The following HNF4G variants were observed in gnomAD, a reference collection of about 807,000 sequenced individuals.
HNF4G encodes the protein hepatocyte nuclear factor 4 gamma, also known as hepatocyte nuclear factor 4-gamma.
A neutral mutation model predicts 50.9 loss-of-function variants in HNF4G; 21 were observed. The ratio of observed to expected loss-of-function variants is 0.41; its 90% CI spans 0.29 to 0.59. The LOEUF is 0.59. Ranked by LOEUF, HNF4G falls within the 20% of genes least tolerant of loss-of-function variation. The pLI is 0.26. For synonymous variants in HNF4G, 198 were observed against 185.6 expected (o/e 1.07, Z -0.54); for missense variants, 527 against 559.4 (o/e 0.94, Z 0.58).
At chr8:75,563,875 T>C (rs1807388623) in intron 9 of HNF4G, 100 bp from the exon 10 acceptor site, 1 of 1,335,756 alleles carries the variant, frequency 7.5e-7, no homozygotes. Context: ...TTTAAAAACA[T>C]TTCCAAATTA....
At chr8:75,540,204 A>T in intron 1 of HNF4G, 124 bp downstream of exon 1, 6 of 606,940 alleles carry the variant, frequency 9.9e-6, no homozygotes, top group Non-Finnish European at 1.8e-5. Flanking sequence ...CTTGCTTTTA[A>T]GGCCACAGAT....
At chr8:75,471,365 A>C (rs749720489) in intron 1 of HNF4G, among the ~76,000 whole-genome samples, 2 of 152,172 alleles carry the variant, frequency 1.3e-5, no homozygotes, top group Non-Finnish European at 2.9e-5. Flanking sequence ...TATCTAAGCA[A>C]TTAATTCATT....
intron 1 of HNF4G, among the ~76,000 whole-genome samples, chr8:75,409,178 G>T (rs186905608): frequency 6.6e-6 from 1 of 152,246 alleles, no homozygotes; most frequent in Admixed American, 6.5e-5. Context: ...GGAGGTGGTG[G>T]TGAGTGGTGG....
At chr8:75,421,229 C>T (rs1810768029) in intron 1 of HNF4G, among the ~76,000 whole-genome samples, 1 of 152,168 alleles carries the variant, frequency 6.6e-6, no homozygotes, top group Non-Finnish European at 1.5e-5. Flanking sequence ...GTGCATTTTA[C>T]ACTTGCAGCA....
At chr8:75,483,363 A>G (rs1283551039) in intron 1 of HNF4G, among the ~76,000 whole-genome samples, 1 of 151,986 alleles carries the variant, frequency 6.6e-6, no homozygotes, top group Non-Finnish European at 1.5e-5. Context: ...GCATGACTGC[A>G]TTTCTCTGCA....
intron 2 of HNF4G, among the ~76,000 whole-genome samples, chr8:75,510,490 C>A (rs1308226755): frequency 1.3e-5 from 2 of 152,172 alleles, no homozygotes; most frequent in East Asian, 3.8e-4. Flanking sequence ...TCCACTGTTG[C>A]CAAGTTCCCT....
chr8:75,466,120 T>A (rs370926820), intron 1 of HNF4G, among the ~76,000 whole-genome samples: 1 of 152,200 alleles, frequency 6.6e-6, no homozygotes, highest in East Asian at 1.9e-4. Flanking sequence ...CTCATTATAC[T>A]CCAAAATGCA....
chr8:75,486,222 GT>G (rs1812493604), intron 1 of HNF4G, among the ~76,000 whole-genome samples: 1 of 152,166 alleles, frequency 6.6e-6, no homozygotes, highest in African/African-American at 2.4e-5. Flanking sequence ...GAAACTAGCT[GT>G]CCTTCCTAAG....
At chr8:75,559,259 C>T (rs1254359566) in intron 8 of HNF4G, among the ~76,000 whole-genome samples, 2 of 127,898 alleles carry the variant, frequency 1.6e-5, no homozygotes, top group Non-Finnish European at 3.2e-5. Context: ...TTCAAACCCC[C>T]ATTCGTTTTT....
chr8:75,543,781 C>G, intron 1 of HNF4G, 30 bp from the exon 2 acceptor site: 1 of 1,582,712 alleles, frequency 6.3e-7, no homozygotes, highest in East Asian at 2.3e-5. Flanking sequence ...AGTACTAACT[C>G]TAACTGTAAT....
intron 1 of HNF4G, among the ~76,000 whole-genome samples, chr8:75,451,852 T>C (rs895428942): frequency 6.6e-6 from 1 of 152,198 alleles, no homozygotes; most frequent in Non-Finnish European, 1.5e-5. Flanking sequence ...TGGCTTTTGC[T>C]CTAGGGCCTT....
intron 1 of HNF4G, among the ~76,000 whole-genome samples, chr8:75,471,881 A>G (rs1219031416): frequency 6.6e-6 from 1 of 152,198 alleles, no homozygotes; most frequent in Non-Finnish European, 1.5e-5. Context: ...GCTTCTTTTA[A>G]GGGCAGCTTG....
intron 1 of HNF4G, among the ~76,000 whole-genome samples, chr8:75,448,649 A>G (rs1187423684): frequency 1.3e-5 from 2 of 151,948 alleles, no homozygotes; most frequent in African/African-American, 4.8e-5. Context: ...ACTGTTATGA[A>G]TATTCATTGG....
chr8:75,467,587 G>C (rs1290139726), intron 1 of HNF4G, among the ~76,000 whole-genome samples: 1 of 151,898 alleles, frequency 6.6e-6, no homozygotes, highest in Non-Finnish European at 1.5e-5. Flanking sequence ...TTGAACCTGG[G>C]AGGCGGAGGT....
intron 1 of HNF4G, among the ~76,000 whole-genome samples, chr8:75,426,820 G>A (rs1431609331): frequency 2.6e-5 from 4 of 152,228 alleles, no homozygotes; most frequent in Admixed American, 1.3e-4. Context: ...GACACTGATC[G>A]AATTATGTTA....
chr8:75,459,235 C>A (rs1395767573), intron 1 of HNF4G, among the ~76,000 whole-genome samples: 2 of 152,072 alleles, frequency 1.3e-5, no homozygotes, highest in African/African-American at 4.8e-5. Context: ...AATAATAACA[C>A]CAAATGTATC....
chr8:75,430,780 A>T (rs981403663), intron 1 of HNF4G, among the ~76,000 whole-genome samples: 2 of 152,198 alleles, frequency 1.3e-5, no homozygotes, highest in African/African-American at 4.8e-5. Flanking sequence ...TAACTCTCAT[A>T]GATAAAATTT....
intron 2 of HNF4G, among the ~76,000 whole-genome samples, chr8:75,499,086 A>G (rs1198701660): frequency 6.6e-6 from 1 of 152,088 alleles, no homozygotes; most frequent in African/African-American, 2.4e-5. Flanking sequence ...AAGAAGTAAA[A>G]CTATGTCAAT....
intron 2 of HNF4G, among the ~76,000 whole-genome samples, chr8:75,499,629 C>T (rs1812871585): frequency 6.6e-6 from 1 of 151,764 alleles, no homozygotes; most frequent in Non-Finnish European, 1.5e-5. Flanking sequence ...TTTCCAATTT[C>T]AAAACTTACT....
Sources: gnomAD v4.1 joint callset for allele counts (sites outside exome capture counted in the v4.1 genomes callset) on GRCh38, gnomAD v4.1.1 for gene constraint, MANE v1.5 for transcripts, NCBI Gene and HGNC (gene_info 2026-07-23, HGNC 2026-07-21) for gene names.